The following CELF2 variants were observed in gnomAD, a reference collection of about 807,000 sequenced individuals.
CELF2 encodes the protein CUGBP Elav-like family member 2, also known as CUG triplet repeat RNA-binding protein 2.
A neutral mutation model predicts 62.6 loss-of-function variants in CELF2; 8 were observed. The observed-to-expected ratio is 0.13, with a 90% CI of 0.07 to 0.23. The LOEUF (loss-of-function observed/expected upper bound fraction) is 0.23. Among genes scored for constraint, CELF2 ranks in the 10% least tolerant of loss-of-function variants. The probability of loss-of-function intolerance (pLI) is 1.00; values close to 1 mark genes in which losing one functional copy is unlikely to be tolerated. For missense variants in CELF2, 333 were observed against 671.0 expected (o/e 0.50, Z 5.56); for synonymous variants, 258 against 250.0 (o/e 1.03, Z -0.30).
intron 1 of CELF2, among the ~76,000 whole-genome samples, chr10:10,858,716 GTTGTTGAATGAATGAAAGTA>G (rs2059891639): frequency 6.6e-6 from 1 of 151,792 alleles, no homozygotes; most frequent in Admixed American, 6.6e-5. Context: ...ATGAAAGTAT[GTTGTTGAATGAATGAAAGTA>G]TCCAGGAATA....
At chr10:11,175,199 T>C (rs1179088995) in intron 2 of CELF2, among the ~76,000 whole-genome samples, 1 of 152,046 alleles carries the variant, frequency 6.6e-6, no homozygotes, top group Non-Finnish European at 1.5e-5. Context: ...GGAAACGTTT[T>C]TGAAGGATAT....
chr10:10,972,527 T>C lies in CELF2; in HGVS notation c.89+52528T>C, dbSNP rs2050860238. 6.6e-6 allele frequency among the ~76,000 whole-genome samples: 1 copy of C among 152,204 alleles called. No homozygotes were observed. The highest frequency in any genetic ancestry group is 2.1e-4 in the South Asian group (1 of 4,830). The stretch of plus-strand genomic sequence containing the variant: ...CTTGGTATTTCTCAGCTTTCTGCTT[T>C]GACCCACTGCTCTTCTTTCTATATA... On this transcript the variant is annotated intron_variant, in intron 2 of 13. Coordinates refer to the CELF2 transcript ENST00000636488. This position sits in a 1 kb window ranked among gnomAD's most constrained non-coding sequence, Gnocchi z 4.4.
At chr10:10,553,201 G>C in the CELF2 span, among the ~76,000 whole-genome samples, 1 of 152,128 alleles carries the variant, frequency 6.6e-6, no homozygotes, top group Admixed American at 6.6e-5. Flanking sequence ...TGGTTCAGGG[G>C]AACTCCCCTT....
At chr10:10,778,391 G>A in the CELF2 span, among the ~76,000 whole-genome samples, 1 of 152,116 alleles carries the variant, frequency 6.6e-6, no homozygotes, top group Non-Finnish European at 1.5e-5. Context: ...CAAAACTTTG[G>A]CAAATTGATA....
intron 2 of CELF2, among the ~76,000 whole-genome samples, chr10:11,180,886 T>C (rs921497697): frequency 2.0e-5 from 3 of 152,178 alleles, no homozygotes; most frequent in African/African-American, 7.2e-5. Context: ...TTTATTTATT[T>C]AAAGACCAAG....
At chr10:10,883,406 G>C (rs540449650) in intron 1 of CELF2, among the ~76,000 whole-genome samples, 1 of 152,198 alleles carries the variant, frequency 6.6e-6, no homozygotes, top group Non-Finnish European at 1.5e-5. Context: ...GGAAAATAAT[G>C]TTTTATTCAA....
the CELF2 span, among the ~76,000 whole-genome samples, chr10:10,765,308 G>T: frequency 2.6e-5 from 4 of 152,194 alleles, no homozygotes; most frequent in African/African-American, 9.7e-5. Flanking sequence ...AAGGCGCAGG[G>T]CACGAGGTGA....
intron 2 of CELF2, among the ~76,000 whole-genome samples, chr10:11,189,451 C>T (rs571007519): frequency 2.0e-5 from 3 of 152,278 alleles, no homozygotes; most frequent in Admixed American, 6.5e-5. Context: ...ATAATGTAAT[C>T]GTTGATAAAA....
intron 1 of CELF2, among the ~76,000 whole-genome samples, chr10:11,111,657 G>A (rs1413700766): frequency 6.6e-6 from 1 of 152,140 alleles, no homozygotes; most frequent in Non-Finnish European, 1.5e-5. Flanking sequence ...TAGGCAACGT[G>A]CCCTATGTCG....
chr10:11,279,676 C>A (rs2087554908), intron 8 of CELF2, among the ~76,000 whole-genome samples: 1 of 152,138 alleles, frequency 6.6e-6, no homozygotes, highest in Non-Finnish European at 1.5e-5. Flanking sequence ...TTGCTATGAA[C>A]AATAAGACAC....
Position 11,258,414 on chromosome 10 carries a change from G to A in CELF2, c.538+542G>A, listed in dbSNP as rs190174040. 9.2e-5 allele frequency among the ~76,000 whole-genome samples: 14 copies of A among 152,306 alleles called. No individual in the cohort carries two copies. In the East Asian group the frequency reaches 2.5e-3, roughly 27 times the overall value. On this transcript the variant is annotated intron_variant, in intron 5 of 12. Transcript: ENST00000633077. ...AAGAGCAAAACTCCTGGAGTCCTGAGCCAGGGGAACTCGTTAAGTGACAGA... is the reference window on the plus strand; with the variant it reads ...AAGAGCAAAACTCCTGGAGTCCTGAACCAGGGGAACTCGTTAAGTGACAGA...
chr10:10,891,285 G>A (rs1012036090), intron 1 of CELF2, among the ~76,000 whole-genome samples: 5 of 152,090 alleles, frequency 3.3e-5, no homozygotes, highest in Non-Finnish European at 7.4e-5. Context: ...CGTCTGGGGA[G>A]CAAGCAACAC....
At chr10:10,915,413 T>G (rs900453921) in intron 1 of CELF2, among the ~76,000 whole-genome samples, 10 of 152,108 alleles carry the variant, frequency 6.6e-5, no homozygotes, top group African/African-American at 2.4e-4. Flanking sequence ...GCCTTTTTTG[T>G]GGTTGTTTTT....
Position 11,018,019 on chromosome 10 carries a change from C to G in CELF2, c.-71C>G, listed in dbSNP as rs1298719194. Reference sequence around the variant, plus strand: ...CGCGCGCACCTGTCCCTGCCCGTCTCGCGCCGCCCGCGGCCGCTCGGACGC... The same window carrying G: ...CGCGCGCACCTGTCCCTGCCCGTCTGGCGCCGCCCGCGGCCGCTCGGACGC... On this transcript the variant is annotated 5_prime_UTR_variant, in exon 1 of 13. Transcript: ENST00000633077. 4 of 1,073,130 alleles carry G rather than the reference C, an allele frequency of 3.7e-6. No individual in the cohort carries two copies. Among genetic ancestry groups the G allele is most frequent in the Middle Eastern group, 3.0e-4 (1 of 3,362 alleles). 66.5% of individuals were successfully genotyped at this position (1,073,130 alleles called of 1,614,324 possible).
intron 1 of CELF2, among the ~76,000 whole-genome samples, chr10:10,799,467 G>A (rs768516689): frequency 6.6e-6 from 1 of 152,070 alleles, no homozygotes; most frequent in Non-Finnish European, 1.5e-5. Flanking sequence ...CTGTGCAACA[G>A]AGTAAGAATC....
At chr10:10,562,135 A>G in the CELF2 span, among the ~76,000 whole-genome samples, 1 of 152,328 alleles carries the variant, frequency 6.6e-6, no homozygotes, top group South Asian at 2.1e-4. Flanking sequence ...TATTAGGACA[A>G]GATTTTAGAA....
intron 1 of CELF2, among the ~76,000 whole-genome samples, chr10:11,053,014 CT>C (rs1489879585): frequency 6.6e-6 from 1 of 151,252 alleles, no homozygotes; most frequent in African/African-American, 2.4e-5. Context: ...TAAATGTTTT[CT>C]TCTTTAATCT....
chr10:11,059,144 C>G (rs2066099830), intron 1 of CELF2, among the ~76,000 whole-genome samples: 1 of 152,206 alleles, frequency 6.6e-6, no homozygotes, highest in African/African-American at 2.4e-5. Context: ...TCAGCGCCCT[C>G]CACTAGTAAA....
At chr10:10,912,207 G>T (rs563301575) in intron 1 of CELF2, among the ~76,000 whole-genome samples, 8 of 152,334 alleles carry the variant, frequency 5.3e-5, no homozygotes, top group Admixed American at 5.2e-4. Context: ...CCGCATCAGA[G>T]AGGTCTCCCA....
Sources: allele counts gnomAD v4.1 joint callset (sites outside exome capture counted in the v4.1 genomes callset), GRCh38; gene constraint gnomAD v4.1.1; non-coding constraint Gnocchi (gnomAD v3.1); transcripts MANE v1.5; gene names NCBI Gene and HGNC (gene_info 2026-07-23, HGNC 2026-07-21).